STK24: variants seen among roughly 807,000 people sequenced by gnomAD.
The protein encoded by STK24 is serine/threonine-protein kinase 24.
STK24 carries 21 observed loss-of-function variants against 55.6 expected under a neutral mutation model. That is an observed-to-expected ratio of 0.38 (90% CI 0.27 to 0.54). STK24 has a LOEUF of 0.54. STK24 is among the 20% of genes least tolerant of loss of function. The pLI is 0.79. For missense variants in STK24, 383 were observed against 538.4 expected (o/e 0.71, Z 2.86); for synonymous variants, 200 against 215.2 (o/e 0.93, Z 0.62).
At chr13:98,462,614 A>G (rs1594575803) in intron 7 of STK24, among the ~76,000 whole-genome samples, 2 of 151,892 alleles carry the variant, frequency 1.3e-5, no homozygotes, top group Admixed American at 1.3e-4. Context: ...ACTCCCCCAC[A>G]TGCCCCAACT....
chr13:98,568,592 G>A (rs1303200252), intron 1 of STK24, among the ~76,000 whole-genome samples: 2 of 152,156 alleles, frequency 1.3e-5, no homozygotes, highest in African/African-American at 2.4e-5. Flanking sequence ...GAAGGCCGGG[G>A]ATGGTGGCTC....
intron 2 of STK24, among the ~76,000 whole-genome samples, chr13:98,486,213 AAAAAAG>A (rs1377162800): frequency 1.3e-5 from 2 of 152,036 alleles, no homozygotes; most frequent in African/African-American, 2.4e-5. Flanking sequence ...TTAAAAAAAA[AAAAAAG>A]AAAGAAAAAG....
intron 5 of STK24, among the ~76,000 whole-genome samples, chr13:98,472,659 T>C (rs879396171): frequency 3.3e-5 from 5 of 152,358 alleles, no homozygotes; most frequent in Admixed American, 6.5e-5. Flanking sequence ...AGGCACTTAA[T>C]TTTTTAATAA....
rs117771659 is a variant in STK24 at position 98,449,324 on chromosome 13, C to G, written c.*3849G>C. 6.6e-6 allele frequency: 1 copy of G among 152,152 alleles called. No homozygotes were observed. The highest frequency in any genetic ancestry group is 1.5e-5 in the Non-Finnish European group (1 of 68,032). 9.4% of individuals were successfully genotyped at this position (152,152 alleles called of 1,614,324 possible). On this transcript the variant is annotated 3_prime_UTR_variant, in exon 11 of 11. Coordinates refer to ENST00000539966, the MANE Select transcript of STK24 (RefSeq NM_001032296.4). ...TATATATCGTGCCTGTCTTCAAAAACATTTCCCTTTTTATACTCATTCCCC... is the reference window on the plus strand; with the variant it reads ...TATATATCGTGCCTGTCTTCAAAAAGATTTCCCTTTTTATACTCATTCCCC...
intron 1 of STK24, among the ~76,000 whole-genome samples, chr13:98,531,722 C>G (rs1896584143): frequency 6.6e-6 from 1 of 152,216 alleles, no homozygotes; most frequent in Non-Finnish European, 1.5e-5. Context: ...TTCTCCCCCT[C>G]ACTCGACCTT....
chr13:98,552,880 TGG>T (rs1182370128), intron 1 of STK24, among the ~76,000 whole-genome samples: 1 of 152,148 alleles, frequency 6.6e-6, no homozygotes, highest in Non-Finnish European at 1.5e-5. Flanking sequence ...GACGCTCCAG[TGG>T]TGGATGCATG....
intron 1 of STK24, chr13:98,522,126 G>A: frequency 8.0e-7 from 1 of 1,249,314 alleles, no homozygotes; most frequent in Non-Finnish European, 1.0e-6. Context: ...TGTCGTGTCT[G>A]AGCCTTGTCA....
intron 2 of STK24, among the ~76,000 whole-genome samples, chr13:98,497,768 G>A (rs1370648394): frequency 6.6e-6 from 1 of 152,230 alleles, no homozygotes; most frequent in African/African-American, 2.4e-5. Context: ...CTGGCGCAGA[G>A]CTGGGTGGAT....
chr13:98,499,427 T>G (rs1895364657), intron 2 of STK24, among the ~76,000 whole-genome samples: 1 of 152,170 alleles, frequency 6.6e-6, no homozygotes, highest in Admixed American at 6.5e-5. Context: ...TTGGAGTGAT[T>G]GCGTATGGAA....
intron 1 of STK24, among the ~76,000 whole-genome samples, chr13:98,533,194 C>T (rs1231163243): frequency 6.6e-6 from 1 of 151,944 alleles, no homozygotes; most frequent in African/African-American, 2.4e-5. Context: ...ACCTAGCCAA[C>T]ATGGTGAAAC....
intron 9 of STK24, among the ~76,000 whole-genome samples, chr13:98,458,100 T>A (rs1366321473): frequency 6.6e-6 from 1 of 152,202 alleles, no homozygotes; most frequent in East Asian, 1.9e-4. Context: ...TTTGATTTCA[T>A]GTAAATAAGT....
chr13:98,467,667 G>C (rs1209747101), intron 5 of STK24, among the ~76,000 whole-genome samples: 1 of 152,146 alleles, frequency 6.6e-6, no homozygotes, highest in Non-Finnish European at 1.5e-5. Context: ...GAAGCCGTGT[G>C]GCCCCACTAG....
intron 2 of STK24, among the ~76,000 whole-genome samples, chr13:98,483,273 G>A (rs1323926390): frequency 6.6e-6 from 1 of 152,164 alleles, no homozygotes; most frequent in Non-Finnish European, 1.5e-5. Context: ...GAGCAGCCAA[G>A]AACCCATGGC....
At chr13:98,475,589 G>C (rs569898670) in intron 3 of STK24, among the ~76,000 whole-genome samples, 1 of 152,326 alleles carries the variant, frequency 6.6e-6, no homozygotes, top group South Asian at 2.1e-4. Context: ...CAGCAGAGAA[G>C]CAAAGAGGAG....
intron 1 of STK24, among the ~76,000 whole-genome samples, chr13:98,565,500 C>T (rs1195228027): frequency 6.6e-6 from 1 of 151,902 alleles, no homozygotes; most frequent in African/African-American, 2.4e-5. Context: ...GGTGTGGTCG[C>T]GGGTGCCTGT....
intron 1 of STK24, among the ~76,000 whole-genome samples, chr13:98,571,105 C>T (rs971626977): frequency 2.6e-5 from 4 of 152,174 alleles, no homozygotes; most frequent in African/African-American, 9.6e-5. Context: ...AGCTAAGGGG[C>T]CCGTTTCTCA....
chr13:98,558,302 G>A (rs1897327234), intron 1 of STK24, among the ~76,000 whole-genome samples: 1 of 152,194 alleles, frequency 6.6e-6, no homozygotes, highest in South Asian at 2.1e-4. Flanking sequence ...CCGGTTTTAT[G>A]AACTATTAGG....
rs547565356 is a variant in STK24, at chr13:98,510,608, G to A, written c.273+8635C>T. ...TTATTCAGCAATAAAAAGAGCTATTGACACATGCTGCAACAGAGCCCTTGA... is the reference window on the plus strand; with the variant it reads ...TTATTCAGCAATAAAAAGAGCTATTAACACATGCTGCAACAGAGCCCTTGA... On this transcript the variant is annotated intron_variant, in intron 2 of 10. Coordinates refer to ENST00000539966, the MANE Select transcript of STK24 (RefSeq NM_001032296.4). Among the ~76,000 whole-genome samples, 16 of 152,334 alleles carry A rather than the reference G, an allele frequency of 1.1e-4. No individual in the cohort carries two copies. In the South Asian group the frequency reaches 2.9e-3, roughly 28 times the overall value.
intron 1 of STK24, among the ~76,000 whole-genome samples, chr13:98,558,316 A>G (rs1163464388): frequency 6.6e-6 from 1 of 152,240 alleles, no homozygotes; most frequent in Non-Finnish European, 1.5e-5. Context: ...TATTAGGAAT[A>G]CTTTCCCAGC....
Sources: gnomAD v4.1 joint callset for allele counts (sites outside exome capture counted in the v4.1 genomes callset) on GRCh38, gnomAD v4.1.1 for gene constraint, MANE v1.5 for transcripts, NCBI Gene and HGNC (gene_info 2026-07-23, HGNC 2026-07-21) for gene names.